The following ALS2CL variants were observed in gnomAD, a reference collection of about 807,000 sequenced individuals.
The protein encoded by ALS2CL is ALS2 C-terminal-like protein.
ALS2CL carries 112 observed loss-of-function variants against 127.9 expected under a neutral mutation model. The ratio of observed to expected loss-of-function variants is 0.88; its 90% CI spans 0.75 to 1.02. The LOEUF is 1.02. Among genes scored for constraint, ALS2CL ranks in the 50% least tolerant of loss-of-function variants. The probability of loss-of-function intolerance (pLI) is 0.00; values close to 1 mark genes in which losing one functional copy is unlikely to be tolerated. For missense variants in ALS2CL, 1,174 were observed against 1,236.7 expected (o/e 0.95, Z 0.76); for synonymous variants, 519 against 527.6 (o/e 0.98, Z 0.22).
intron 24 of ALS2CL, 35 bp downstream of exon 24, chr3:46,671,849 C>T (rs1164460203): frequency 1.2e-6 from 2 of 1,610,642 alleles, no homozygotes; most frequent in East Asian, 4.5e-5. Flanking sequence ...GGGACCCTGC[C>T]CCTGCCCTGC....
Position 46,681,853 on chromosome 3 carries a change from A to T in ALS2CL, c.1175+176T>A, listed in dbSNP as rs982864039. Among the ~76,000 whole-genome samples the T allele has an allele frequency of 6.6e-6, 1 of 151,988 alleles. No homozygotes were observed. Among genetic ancestry groups the T allele is most frequent in the East Asian group, 1.9e-4 (1 of 5,164 alleles). The stretch of plus-strand genomic sequence containing the variant: ...GACCTCGAGCTGAGACGGGCCCCCT[A>T]TTCAGGCCCCCGGTTCCCCTTTGGT... On this transcript the variant is annotated intron_variant, in intron 11 of 25. Transcript: ENST00000318962. The surrounding 1 kb of genome is among the most constrained non-coding windows in gnomAD (Gnocchi z 4.9).
chr3:46,690,583 G>A (rs1700095304), intron 1 of ALS2CL, among the ~76,000 whole-genome samples: 1 of 152,172 alleles, frequency 6.6e-6, no homozygotes, highest in Admixed American at 6.5e-5. Context: ...ACCAGACCCT[G>A]GTACCCTCAC....
chr3:46,680,540 C>T lies in ALS2CL; in HGVS notation c.1438G>A (p.Gly480Ser). The T allele has an allele frequency of 6.2e-7, 1 of 1,611,240 alleles. No homozygotes were observed. The highest frequency in any genetic ancestry group is 8.5e-7 in the Non-Finnish European group (1 of 1,179,454). The stretch of plus-strand genomic sequence containing the variant: ...TGCCACATGCCAATGTAGCGCTCAC[C>T]TCTGGAAGGAGAGGAATGTGGCCAG... ...GYGIEEDGDR[G>S]ERYIGMWQAG... The change falls in exon 14 of 26, where the codon GGT becomes AGT. Residue 480 changes from glycine (G) to serine (S), a missense_variant and splice_region_variant. Coordinates refer to ENST00000318962, the MANE Select transcript of ALS2CL (RefSeq NM_147129.5).
chr3:46,688,164 T>C lies in ALS2CL; in HGVS notation c.236A>G (p.Asp79Gly), dbSNP rs1204080590. The stretch of plus-strand genomic sequence containing the variant: ...CAGCAGGGACTCCAGACCGGTGGAG[T>C]CCGGGTAACGCAGCCTCTCCTGCAG... ...HSLQERLRYP[D>G]STGLESLLLL... The change falls in exon 3 of 26, where the codon GAC (aspartate) becomes GGC (glycine). Residue 79 changes from aspartate (D) to glycine (G), a missense_variant. Transcript: ENST00000318962. 2 of 1,612,658 alleles carry C rather than the reference T, an allele frequency of 1.2e-6. No homozygotes were observed. Among genetic ancestry groups the C allele is most frequent in the Non-Finnish European group, 1.7e-6 (2 of 1,179,924 alleles).
chr3:46,680,317 C>T (rs566441334), intron 14 of ALS2CL, 113 bp downstream of exon 14: 98 of 1,195,148 alleles, frequency 8.2e-5, no homozygotes, highest in Non-Finnish European at 1.1e-4. Context: ...CTCCAGCACC[C>T]AGGAACACAG....
At position 46,683,211 on chromosome 3, in the gene ALS2CL, G is replaced by A; in HGVS notation, c.1028C>T (p.Ala343Val). 1 of 1,609,558 alleles carries A rather than the reference G, an allele frequency of 6.2e-7. No individual in the cohort carries two copies. Among genetic ancestry groups the A allele is most frequent in the Non-Finnish European group, 8.5e-7 (1 of 1,178,144 alleles). ...EPSQPPDCRCAEYTFQAEGRL... is the reference protein window; with the variant it reads ...EPSQPPDCRCVEYTFQAEGRL... ...GCCCTCTGCCTGGAAGGTATATTCT[G>A]CGCAGCGGCAGTCGGGAGGCTGGGA... The change falls in exon 10 of 26, where the codon GCA becomes GTA. Residue 343 changes from alanine (A) to valine (V), a missense_variant. Physicochemically the swap from Ala to Val is moderately conservative, Grantham distance 64. Coordinates refer to ENST00000318962, the MANE Select transcript of ALS2CL (RefSeq NM_147129.5).
chr3:46,676,373 T>A lies in ALS2CL; in HGVS notation c.2058A>T (p.Gly686=). The change falls in exon 19 of 26, where the codon GGA becomes GGT. Residue 686 remains glycine, a synonymous_variant. Coordinates refer to ENST00000318962, the MANE Select transcript of ALS2CL (RefSeq NM_147129.5). ...TCAGCATCAGTGTCCGGAGCAGCTT[T>A]CCCAGGGGGTGCAGTGAGTTGCTCA... The part of the protein sequence containing the change: ...KALSNSLHPL[G]KLLRTLMLTF... 6.2e-7 allele frequency: 1 copy of A among 1,613,924 alleles called. No individual in the cohort carries two copies. The highest frequency in any genetic ancestry group is 8.5e-7 in the Non-Finnish European group (1 of 1,179,978).
chr3:46,680,486 T>A lies in ALS2CL; in HGVS notation c.1492A>T (p.Met498Leu). 1 of 1,613,458 alleles carries A rather than the reference T, an allele frequency of 6.2e-7. No homozygotes were observed. Among genetic ancestry groups the A allele is most frequent in the Non-Finnish European group, 8.5e-7 (1 of 1,180,008 alleles). Residue 498 changes from methionine (M) to leucine (L), a missense_variant, in exon 14 of 26, where the codon ATG becomes TTG. Physicochemically the swap from Met to Leu is conservative, Grantham distance 15. Transcript: ENST00000318962. ...TAGCAGACACCTGCCTGGGTGACCATGACCCCTGGGCCGTGGCGCTGACCA... is the reference window on the plus strand; with the variant it reads ...TAGCAGACACCTGCCTGGGTGACCAAGACCCCTGGGCCGTGGCGCTGACCA... ...QAGQRHGPGV[M>L]VTQAGVCYQG...
Position 46,678,244 on chromosome 3 carries a change from G to T in ALS2CL, c.1757+15C>A. 6.4e-7 allele frequency: 1 copy of T among 1,560,106 alleles called. No individual in the cohort carries two copies. The highest frequency in any genetic ancestry group is 2.3e-5 in the East Asian group (1 of 43,716). ...TCCCCAGATAGGCCCAGAGCCAGAG[G>T]GGCCAGGCACTCACCTCTTGCAGGT... is the stretch of plus-strand genomic sequence containing the variant. On this transcript the variant is annotated intron_variant, in intron 16 of 25. Coordinates refer to ENST00000318962, the MANE Select transcript of ALS2CL (RefSeq NM_147129.5).
intron 1 of ALS2CL, among the ~76,000 whole-genome samples, chr3:46,691,726 T>TC (rs1700167446): frequency 6.6e-6 from 1 of 150,576 alleles, no homozygotes; most frequent in African/African-American, 2.4e-5. Context: ...TCTATTCTTT[T>TC]TTTTTTTTTT....
chr3:46,678,453 C>G, intron 15 of ALS2CL, 64 bp from the exon 16 acceptor site: 5 of 1,561,990 alleles, frequency 3.2e-6, no homozygotes, highest in Non-Finnish European at 4.3e-6. Flanking sequence ...CCAATCATGA[C>G]AGGCCACAAG....
chr3:46,689,571 A>G (rs1015964988), intron 1 of ALS2CL, 106 bp from the exon 2 acceptor site: 50 of 682,240 alleles, frequency 7.3e-5, no homozygotes, highest in Non-Finnish European at 1.1e-4. Context: ...CACCCACATC[A>G]GAACTGAGCA....
rs889920591 is a variant in ALS2CL at position 46,686,374 on chromosome 3, C to T, written c.600G>A (p.Met200Ile). 1.2e-6 allele frequency: 2 copies of T among 1,613,782 alleles called. No homozygotes were observed. The highest frequency in any genetic ancestry group is 1.7e-5 in the Admixed American group (1 of 60,006). The change falls in exon 6 of 26, where the codon ATG becomes ATA. Residue 200 changes from methionine (M) to isoleucine (I), a missense_variant. Coordinates refer to ENST00000318962, the MANE Select transcript of ALS2CL (RefSeq NM_147129.5). This position sits in a 1 kb window ranked among gnomAD's most constrained non-coding sequence, Gnocchi z 4.3. ...CCACAGCCTGGTCCAACTCCTGCTT[C>T]ATGAAGGACTGCAGGTTCCCAAAGA... ...VTLFGNLQSF[M>I]KQELDQAVAT...
In ALS2CL at chr3:46,678,374, G is replaced by A; in HGVS notation, c.1642C>T (p.Pro548Ser). ...TLMGKGKVTF[P>S]NGFTLEGSFG... is the part of the protein sequence containing the mutation. Reference sequence around the variant, plus strand: ...GAGCCCTCCAGGGTGAAGCCATTGGGGAAGGTGACCTTGCCCTGGGAGCCA... The same window carrying A: ...GAGCCCTCCAGGGTGAAGCCATTGGAGAAGGTGACCTTGCCCTGGGAGCCA... The change falls in exon 16 of 26, where the codon CCC (proline) becomes TCC (serine). Residue 548 changes from proline (P) to serine (S), a missense_variant. Pro to Ser is a moderately conservative substitution (Grantham distance 74). Coordinates refer to ENST00000318962, the MANE Select transcript of ALS2CL (RefSeq NM_147129.5). 1.9e-6 allele frequency: 3 copies of A among 1,612,398 alleles called. No individual in the cohort carries two copies. The highest frequency in any genetic ancestry group is 1.7e-6 in the Non-Finnish European group (2 of 1,179,020).
Position 46,681,314 on chromosome 3 carries a change from G to A in ALS2CL, c.1368C>T (p.Pro456=). ...TCTCCCAGTGGCCCGTGTACCTGAA[G>A]GGCTGGGGGGCCTGCGGACCACTCT... ...VLESGPQAPQ[P]FRYTGHWERG... The change falls in exon 13 of 26, where the codon CCC becomes CCT. Residue 456 remains proline (P), a synonymous_variant. Transcript: ENST00000318962. This position sits in a 1 kb window ranked among gnomAD's most constrained non-coding sequence, Gnocchi z 4.9. The A allele has an allele frequency of 6.2e-7, 1 of 1,613,906 alleles. No homozygotes were observed. The highest frequency in any genetic ancestry group is 8.5e-7 in the Non-Finnish European group (1 of 1,179,878).
Position 46,687,953 on chromosome 3 carries a change from A to G in ALS2CL, c.302+145T>C. 3 of 1,067,322 alleles carry G rather than the reference A, an allele frequency of 2.8e-6. No homozygotes were observed. In the South Asian group the frequency reaches 4.8e-5, roughly 17 times the overall value. The allele number at this position is 1,067,322 out of a possible 1,614,324, so 66.1% of individuals were successfully genotyped here. A position where few individuals can be genotyped will look rare whatever the true frequency, so the allele number is the denominator to read the frequency against. ...GAATACCCAAGCCCAGGTGAGGCTG[A>G]ACCCAGGTGAGCACCAACCATGGAC... On this transcript the variant is annotated intron_variant, in intron 3 of 25. Coordinates refer to ENST00000318962, the MANE Select transcript of ALS2CL (RefSeq NM_147129.5).
intron 2 of ALS2CL, among the ~76,000 whole-genome samples, 174 bp from the exon 3 acceptor site, chr3:46,688,470 G>C (rs924735537): frequency 6.6e-6 from 1 of 152,196 alleles, no homozygotes; most frequent in Non-Finnish European, 1.5e-5. Context: ...CCCTAGAGCT[G>C]AGCAGGGGAA....
intron 10 of ALS2CL, 147 bp from the exon 11 acceptor site, chr3:46,682,241 TC>T (rs1228335792): frequency 2.3e-6 from 2 of 860,258 alleles, no homozygotes; most frequent in East Asian, 5.3e-5. Flanking sequence ...CTCCGAACAT[TC>T]CTTGCAGAAA....
chr3:46,690,714 G>A (rs975801878), intron 1 of ALS2CL, among the ~76,000 whole-genome samples: 7 of 152,230 alleles, frequency 4.6e-5, no homozygotes, highest in Non-Finnish European at 4.4e-5. Flanking sequence ...TGAGGCTTTG[G>A]AGTTAGCCAA....
Sources: gnomAD v4.1 joint callset for allele counts (sites outside exome capture counted in the v4.1 genomes callset) on GRCh38, gnomAD v4.1.1 for gene constraint, Gnocchi (gnomAD v3.1) non-coding constraint, MANE v1.5 for transcripts, NCBI Gene and HGNC (gene_info 2026-07-23, HGNC 2026-07-21) for gene names.